NFAM1: variants seen among roughly 807,000 people sequenced by gnomAD.
NFAM1 encodes the protein NFAT activating protein with ITAM motif 1, also known as NFAT activation molecule 1.
A neutral mutation model predicts 29.0 loss-of-function variants in NFAM1; 17 were observed. The ratio of observed to expected loss-of-function variants is 0.59; its 90% CI spans 0.40 to 0.88. The LOEUF (loss-of-function observed/expected upper bound fraction) is 0.88, where lower values mean the gene tolerates loss of function less well. Among genes scored for constraint, NFAM1 ranks in the 40% least tolerant of loss-of-function variants. The probability of loss-of-function intolerance (pLI) is 0.00; values close to 1 mark genes in which losing one functional copy is unlikely to be tolerated. For missense variants in NFAM1, 324 were observed against 344.6 expected (o/e 0.94, Z 0.47); for synonymous variants, 175 against 147.2 (o/e 1.19, Z -1.36).
At chr22:42,404,828 T>G (rs1012956170) in intron 3 of NFAM1, among the ~76,000 whole-genome samples, 3 of 131,280 alleles carry the variant, frequency 2.3e-5, no homozygotes, top group African/African-American at 9.1e-5. Flanking sequence ...TACTCCAGCC[T>G]AGGCAAAGAG....
chr22:42,410,466 C>A, intron 2 of NFAM1: 1 of 382,458 alleles, frequency 2.6e-6, no homozygotes, highest in South Asian at 1.9e-5. Context: ...CGAGACCAGC[C>A]TGGCCAACAT....
intron 5 of NFAM1, 73 bp downstream of exon 5, chr22:42,386,916 C>G (rs982399293): frequency 1.2e-6 from 1 of 801,972 alleles, no homozygotes. Flanking sequence ...TCCCATTTGC[C>G]CCCCCACTTC....
In NFAM1 at chr22:42,405,811, G is replaced by A. The variant is rs574073091; in HGVS notation, c.564+3624C>T. On this transcript the variant is annotated intron_variant, in intron 3 of 5. Transcript: ENST00000329021. ...ACTTCACCCTGAAGCTCATTAACAG[G>A]GCAAGGTCAAAGTAGGACCATTCGC... is the stretch of plus-strand genomic sequence containing the variant. Among the ~76,000 whole-genome samples, 16 of 152,264 alleles carry A rather than the reference G, an allele frequency of 1.1e-4. 1 individual carries two copies. In the South Asian group the frequency reaches 2.7e-3, roughly 26 times the overall value.
intron 1 of NFAM1, among the ~76,000 whole-genome samples, chr22:42,422,030 CAG>C (rs1247157486): frequency 6.6e-6 from 1 of 152,216 alleles, no homozygotes; most frequent in Admixed American, 6.5e-5. Context: ...AACCTTTGAA[CAG>C]AGACTATTTC....
At chr22:42,436,462 A>C (rs1930942762), upstream of NFAM1, among the ~76,000 whole-genome samples, 1 of 152,274 alleles carries the variant, frequency 6.6e-6, no homozygotes, top group Middle Eastern at 3.4e-3. Context: ...CCTCCATCCT[A>C]GGAGCAGCCG....
intron 1 of NFAM1, among the ~76,000 whole-genome samples, chr22:42,412,544 A>G (rs187448668): frequency 1.4e-4 from 21 of 152,334 alleles, no homozygotes; most frequent in Admixed American, 3.3e-4. Flanking sequence ...CCCAAAGGCC[A>G]AGAGGCCACC....
intron 1 of NFAM1, among the ~76,000 whole-genome samples, chr22:42,422,553 C>G (rs1056557699): frequency 6.6e-5 from 10 of 152,138 alleles, no homozygotes; most frequent in East Asian, 5.8e-4. Context: ...TGAGCCGAGA[C>G]CGCGCCACTA....
intron 1 of NFAM1, 101 bp from the exon 2 acceptor site, chr22:42,411,837 CCTGTA>C: frequency 1.3e-6 from 1 of 754,754 alleles, no homozygotes; most frequent in South Asian, 1.7e-5. Flanking sequence ...GTGGCTCACA[CCTGTA>C]ATTCCAACAC....
chr22:42,393,163 A>C (rs1320929881), intron 4 of NFAM1, among the ~76,000 whole-genome samples: 2 of 152,140 alleles, frequency 1.3e-5, no homozygotes, highest in African/African-American at 4.8e-5. Context: ...AAAAAGCAAG[A>C]ATTGACAATA....
intron 3 of NFAM1, among the ~76,000 whole-genome samples, chr22:42,400,073 T>A (rs1325969908): frequency 2.0e-5 from 3 of 152,300 alleles, no homozygotes; most frequent in East Asian, 3.9e-4. Context: ...GCAGGTGACT[T>A]GCCGAGGCCA....
At chr22:42,385,670 G>C (rs1929113830) in intron 5 of NFAM1, among the ~76,000 whole-genome samples, 1 of 151,974 alleles carries the variant, frequency 6.6e-6, no homozygotes, top group African/African-American at 2.4e-5. Flanking sequence ...TGTGTCCATG[G>C]GGTCAGCGAC....
At position 42,419,846 on chromosome 22, in the gene NFAM1, G is replaced by A. The variant is rs1930375627; in HGVS notation, c.122-8110C>T. Among the ~76,000 whole-genome samples, 1 of 152,172 alleles carries A rather than the reference G, an allele frequency of 6.6e-6. No homozygotes were observed. Among genetic ancestry groups the A allele is most frequent in the South Asian group, 2.1e-4 (1 of 4,828 alleles). On this transcript the variant is annotated intron_variant, in intron 1 of 5. Coordinates refer to ENST00000329021, the MANE Select transcript of NFAM1 (RefSeq NM_145912.8). The surrounding 1 kb of genome is among the most constrained non-coding windows in gnomAD (Gnocchi z 4.5). ...GCGTCACTGTTAAGCCATGTGATCAGAAGAGCCAATGTCCCCTGGGTTTGG... is the reference window on the plus strand; with the variant it reads ...GCGTCACTGTTAAGCCATGTGATCAAAAGAGCCAATGTCCCCTGGGTTTGG...
Position 42,391,971 on chromosome 22 carries a change from C to T in NFAM1, c.664-4893G>A, listed in dbSNP as rs564104914. On this transcript the variant is annotated intron_variant, in intron 4 of 5. Transcript: ENST00000329021. ...AAAAAAAAAAAAAAAAAAAAAAAAT[C>T]GGAGTTTGGTTTGAGAGAGATGTTG... is the stretch of plus-strand genomic sequence containing the variant. 3.3e-3 allele frequency among the ~76,000 whole-genome samples: 420 copies of T among 128,994 alleles called. 5 individuals carry two copies. Among genetic ancestry groups the T allele is most frequent in the Non-Finnish European group, 2.7e-3 (167 of 62,428 alleles). 84.6% of individuals were successfully genotyped at this position (128,994 alleles called of 152,430 possible).
chr22:42,414,584 T>A (rs1198768657), intron 1 of NFAM1, among the ~76,000 whole-genome samples: 4 of 151,476 alleles, frequency 2.6e-5, no homozygotes, highest in Admixed American at 1.3e-4. Flanking sequence ...TTAAAAAAAT[T>A]TTTTTTTAGA....
At chr22:42,393,944 G>A (rs113685239) in intron 4 of NFAM1, among the ~76,000 whole-genome samples, 2,215 of 152,188 alleles carry the variant, frequency 0.015, 18 homozygotes, top group Middle Eastern at 0.031. Flanking sequence ...AAAATAACAC[G>A]TACCATGCCT....
Position 42,387,011 on chromosome 22 carries a change from G to A in NFAM1, c.731C>T (p.Ala244Val). Residue 244 changes from alanine (A) to valine (V), a missense_variant, in exon 5 of 6, where the codon GCC becomes GTC. Coordinates refer to ENST00000329021, the MANE Select transcript of NFAM1 (RefSeq NM_145912.8). ...TACCTGGGAGAGGGGGCTCTGCTTG[G>A]CGGTGGGTGAGCTGCCATCCTCATT... ...IENEDGSSPT[A>V]KQSPLSQERP... 6.3e-7 allele frequency: 1 copy of A among 1,576,756 alleles called. No homozygotes were observed. The highest frequency in any genetic ancestry group is 1.8e-5 in the Admixed American group (1 of 54,980).
At chr22:42,436,275 G>A (rs769819314), upstream of NFAM1, among the ~76,000 whole-genome samples, 14 of 152,176 alleles carry the variant, frequency 9.2e-5, no homozygotes, top group Non-Finnish European at 1.9e-4. Context: ...CTGCGGCTGC[G>A]AAAATCACTT....
intron 5 of NFAM1, among the ~76,000 whole-genome samples, chr22:42,385,697 T>C (rs773277726): frequency 2.0e-5 from 3 of 149,954 alleles, no homozygotes; most frequent in Non-Finnish European, 4.5e-5. Flanking sequence ...CTGCAGACTA[T>C]GGCTCCCAGA....
chr22:42,406,581 A>C (rs970789731), intron 3 of NFAM1, among the ~76,000 whole-genome samples: 2 of 151,962 alleles, frequency 1.3e-5, no homozygotes, highest in African/African-American at 2.4e-5. Flanking sequence ...TCCCACTGGC[A>C]CGCCCAGCCC....
Sources: gnomAD v4.1 joint callset for allele counts (sites outside exome capture counted in the v4.1 genomes callset) on GRCh38, gnomAD v4.1.1 for gene constraint, Gnocchi (gnomAD v3.1) non-coding constraint, MANE v1.5 for transcripts, NCBI Gene and HGNC (gene_info 2026-07-23, HGNC 2026-07-21) for gene names.